NAV2: variants seen among roughly 807,000 people sequenced by gnomAD.
The protein encoded by NAV2 is helicase, APC down-regulated 1.
In NAV2, 54 loss-of-function variants were observed where a neutral mutation model predicts 223.2. The observed-to-expected ratio is 0.24, with a 90% confidence interval of 0.19 to 0.30. The LOEUF (loss-of-function observed/expected upper bound fraction) is 0.30, where lower values mean the gene tolerates loss of function less well. Among genes scored for constraint, NAV2 ranks in the 10% least tolerant of loss-of-function variants. The probability of loss-of-function intolerance (pLI) is 1.00; values close to 1 mark genes in which losing one functional copy is unlikely to be tolerated. For synonymous variants in NAV2, 1,279 were observed against 1,239.3 expected (o/e 1.03, Z -0.67); for missense variants, 2,806 against 3,147.5 (o/e 0.89, Z 2.60).
chr11:19,636,576 C>T lies in NAV2; in HGVS notation c.76-195908C>T, dbSNP rs558584593. On this transcript the variant is annotated intron_variant, in intron 1 of 37. Transcript: ENST00000360655. Reference sequence around the variant, plus strand: ...CGTGATCTCGGCTCACTGCAAGCTCCGCCTCCCGGGTTCACGCCATTCTCC... The same window carrying T: ...CGTGATCTCGGCTCACTGCAAGCTCTGCCTCCCGGGTTCACGCCATTCTCC... 1.7e-4 allele frequency among the ~76,000 whole-genome samples: 26 copies of T among 151,732 alleles called. No homozygotes were observed. In the East Asian group the frequency reaches 2.1e-3, roughly 12 times the overall value.
chr11:19,648,360 A>G (rs1297364740), intron 1 of NAV2, among the ~76,000 whole-genome samples: 1 of 152,236 alleles, frequency 6.6e-6, no homozygotes, highest in African/African-American at 2.4e-5. Context: ...ACTTGACATC[A>G]GCCATGATGG....
intron 1 of NAV2, among the ~76,000 whole-genome samples, chr11:19,401,527 G>C (rs1214425041): frequency 6.6e-6 from 1 of 152,180 alleles, no homozygotes; most frequent in African/African-American, 2.4e-5. Flanking sequence ...TTAGACATTA[G>C]AGCGAGACAG....
At chr11:19,375,752 G>T (rs1848621159) in intron 1 of NAV2, among the ~76,000 whole-genome samples, 1 of 152,116 alleles carries the variant, frequency 6.6e-6, no homozygotes, top group South Asian at 2.1e-4. Context: ...GCCCTGGAAG[G>T]TCTCAGCAAA....
intron 1 of NAV2, among the ~76,000 whole-genome samples, chr11:19,370,710 G>A (rs1431566600): frequency 6.6e-6 from 1 of 152,226 alleles, no homozygotes; most frequent in African/African-American, 2.4e-5. Context: ...GTAACAGTCA[G>A]AGGATAACAT....
At chr11:19,580,300 G>C (rs1367371416) in intron 1 of NAV2, among the ~76,000 whole-genome samples, 1 of 151,968 alleles carries the variant, frequency 6.6e-6, no homozygotes, top group African/African-American at 2.4e-5. Context: ...CATGGTGCTT[G>C]GGAATTTCTC....
intron 1 of NAV2, among the ~76,000 whole-genome samples, chr11:19,464,555 C>T (rs1003897771): frequency 6.6e-6 from 1 of 152,178 alleles, no homozygotes; most frequent in Non-Finnish European, 1.5e-5. Context: ...TTCTCATCTG[C>T]AGAATGGAGA....
intron 1 of NAV2, among the ~76,000 whole-genome samples, chr11:19,662,535 C>T (rs921316287): frequency 1.6e-4 from 24 of 152,342 alleles, no homozygotes; most frequent in African/African-American, 5.3e-4. Flanking sequence ...CCATGTGGGT[C>T]CCATGCCCCA....
intron 1 of NAV2, among the ~76,000 whole-genome samples, chr11:19,463,823 G>A (rs1852250072): frequency 6.6e-6 from 1 of 152,170 alleles, no homozygotes; most frequent in Non-Finnish European, 1.5e-5. Context: ...TGTGGGGGCA[G>A]GGGCTGGGGA....
chr11:19,813,135 G>A (rs2058924201), intron 1 of NAV2, among the ~76,000 whole-genome samples: 2 of 152,052 alleles, frequency 1.3e-5, no homozygotes. Context: ...TTCCTCTCCT[G>A]CACTGGCCTT....
At chr11:19,557,273 ACAGT>A (rs1241574838) in intron 1 of NAV2, among the ~76,000 whole-genome samples, 1 of 152,236 alleles carries the variant, frequency 6.6e-6, no homozygotes, top group African/African-American at 2.4e-5. Flanking sequence ...CCAAGGTCAC[ACAGT>A]CAGCAAATGA....
At chr11:20,007,032 CT>C (rs1181447147) in intron 11 of NAV2, among the ~76,000 whole-genome samples, 1 of 152,018 alleles carries the variant, frequency 6.6e-6, no homozygotes, top group Non-Finnish European at 1.5e-5. Context: ...TCTCAGCTCA[CT>C]GCAACCTCCG....
At chr11:19,780,174 C>T (rs2152672343) in intron 1 of NAV2, among the ~76,000 whole-genome samples, 1 of 152,254 alleles carries the variant, frequency 6.6e-6, no homozygotes, top group South Asian at 2.1e-4. Context: ...TGCACCTGCC[C>T]ACCTAGGAGA....
intron 11 of NAV2, among the ~76,000 whole-genome samples, chr11:20,019,482 G>A (rs2054304997): frequency 6.6e-6 from 1 of 152,256 alleles, no homozygotes; most frequent in East Asian, 1.9e-4. Context: ...AAGGGGCCAG[G>A]CTAGAGATTA....
intron 1 of NAV2, among the ~76,000 whole-genome samples, chr11:19,619,769 A>T (rs2046927020): frequency 1.3e-5 from 2 of 151,602 alleles, no homozygotes; most frequent in South Asian, 4.2e-4. Flanking sequence ...GTTTAATTAG[A>T]CCCCATTTGT....
intron 4 of NAV2, among the ~76,000 whole-genome samples, chr11:19,879,170 C>G (rs1399085465): frequency 6.6e-6 from 1 of 152,200 alleles, no homozygotes; most frequent in African/African-American, 2.4e-5. Flanking sequence ...ATATTTTATT[C>G]TCCTCTGCAA....
Position 19,952,551 on chromosome 11 carries a change from A to G in NAV2, c.2645+3471A>G, listed in dbSNP as rs545890028. On this transcript the variant is annotated intron_variant, in intron 10 of 37. Transcript: ENST00000349880. ...GAAATGTAGCCTTGATGTATGAGTA[A>G]TATATCAATCTGTACAGAGGCTCTT... 3.9e-5 allele frequency among the ~76,000 whole-genome samples: 6 copies of G among 152,362 alleles called. No homozygotes were observed. The South Asian group carries it at 1.2e-3, about 32-fold the overall frequency.
intron 1 of NAV2, among the ~76,000 whole-genome samples, chr11:19,758,635 G>A (rs1425710036): frequency 6.6e-6 from 1 of 152,228 alleles, no homozygotes; most frequent in Non-Finnish European, 1.5e-5. Flanking sequence ...CCCAGTGGTG[G>A]GTGAACTGAG....
intron 1 of NAV2, among the ~76,000 whole-genome samples, chr11:19,528,903 C>T (rs1336855109): frequency 7.2e-6 from 1 of 139,342 alleles, no homozygotes; most frequent in African/African-American, 2.8e-5. Flanking sequence ...GCACTCCAGC[C>T]CGGTGACAGA....
chr11:19,855,485 T>G (rs961859036), intron 3 of NAV2, among the ~76,000 whole-genome samples: 1 of 152,180 alleles, frequency 6.6e-6, no homozygotes, highest in Non-Finnish European at 1.5e-5. Context: ...CCTATTTCAG[T>G]AGCTTTCTTG....
Sources: allele counts gnomAD v4.1 joint callset (sites outside exome capture counted in the v4.1 genomes callset), GRCh38; gene constraint gnomAD v4.1.1; transcripts MANE v1.5; gene names NCBI Gene and HGNC (gene_info 2026-07-23, HGNC 2026-07-21).